ETS1: variants seen among roughly 807,000 people sequenced by gnomAD.
The protein encoded by ETS1 is protein C-ets-1.
Under a neutral mutation model 58.6 loss-of-function variants are expected in ETS1, and 15 were observed. That is an observed-to-expected ratio of 0.26 (90% CI 0.17 to 0.39). ETS1 has a LOEUF of 0.39. Among genes scored for constraint, ETS1 ranks in the 10% least tolerant of loss-of-function variants. The pLI, the probability that ETS1 is intolerant of heterozygous loss-of-function variation, is 1.00. For synonymous variants in ETS1, 214 were observed against 218.2 expected (o/e 0.98, Z 0.17); for missense variants, 417 against 610.5 (o/e 0.68, Z 3.34).
chr11:128,586,896 G>A (rs1400420231), intron 1 of ETS1, among the ~76,000 whole-genome samples: 1 of 152,032 alleles, frequency 6.6e-6, no homozygotes, highest in African/African-American at 2.4e-5. Flanking sequence ...AGACAACCGC[G>A]GCCCACACCC....
chr11:128,548,259 A>G (rs750143321), intron 3 of ETS1, among the ~76,000 whole-genome samples: 2 of 150,580 alleles, frequency 1.3e-5, no homozygotes, highest in Non-Finnish European at 3.0e-5. Context: ...ATGAAAAGGT[A>G]ACCTACGAAA....
At chr11:128,506,789 G>A in intron 3 of ETS1, among the ~76,000 whole-genome samples, 1 of 152,072 alleles carries the variant, frequency 6.6e-6, no homozygotes, top group South Asian at 2.1e-4. Context: ...GCAGACACCT[G>A]GTAACTGCAA....
At chr11:128,479,748 G>A (rs184930257) in intron 8 of ETS1, among the ~76,000 whole-genome samples, 14 of 152,232 alleles carry the variant, frequency 9.2e-5, no homozygotes, top group Non-Finnish European at 1.6e-4. Context: ...AAGGAGAACC[G>A]TGCTGCAGAA....
At chr11:128,540,489 A>T (rs1214478537) in intron 3 of ETS1, among the ~76,000 whole-genome samples, 2 of 152,196 alleles carry the variant, frequency 1.3e-5, no homozygotes, top group African/African-American at 4.8e-5. Flanking sequence ...ACCGTTTAAA[A>T]AAAAAAGTTG....
intron 8 of ETS1, among the ~76,000 whole-genome samples, chr11:128,471,745 A>G (rs1202684895): frequency 6.6e-6 from 1 of 152,190 alleles, no homozygotes; most frequent in Non-Finnish European, 1.5e-5. Context: ...ACAAAGAAAA[A>G]TCTTCCTAAG....
intron 3 of ETS1, among the ~76,000 whole-genome samples, chr11:128,544,242 T>C (rs1307111808): frequency 6.6e-6 from 1 of 150,704 alleles, no homozygotes; most frequent in Non-Finnish European, 1.5e-5. Context: ...GAGATAAAAA[T>C]AGGCATAGAG....
intron 5 of ETS1, 23 bp downstream of exon 5, chr11:128,489,265 CCT>C (rs1862729516): frequency 1.2e-5 from 20 of 1,606,496 alleles, no homozygotes; most frequent in Non-Finnish European, 1.7e-5. Context: ...ATAACCTCCA[CCT>C]CTCTCTGTTT....
intron 2 of ETS1, among the ~76,000 whole-genome samples, chr11:128,569,245 C>T (rs1297498662): frequency 6.6e-6 from 1 of 151,066 alleles, no homozygotes; most frequent in African/African-American, 2.4e-5. Flanking sequence ...AAAAGCACCC[C>T]CTACTGAAAA....
chr11:128,516,611 T>A (rs1240201462), intron 3 of ETS1, among the ~76,000 whole-genome samples: 2 of 152,172 alleles, frequency 1.3e-5, no homozygotes, highest in Non-Finnish European at 1.5e-5. Flanking sequence ...TGCCTGTGTG[T>A]GAGCCATGGG....
intron 3 of ETS1, among the ~76,000 whole-genome samples, chr11:128,508,660 C>T (rs1863307281): frequency 6.6e-6 from 1 of 152,190 alleles, no homozygotes; most frequent in East Asian, 1.9e-4. Context: ...ATCGTAAGAT[C>T]ATGGTAAAAA....
At chr11:128,504,554 G>T (rs1250686517) in intron 3 of ETS1, among the ~76,000 whole-genome samples, 1 of 152,196 alleles carries the variant, frequency 6.6e-6, no homozygotes, top group Non-Finnish European at 1.5e-5. Flanking sequence ...ACTATTCCTG[G>T]AATACAGAAT....
At chr11:128,487,735 T>C (rs1008466192) in intron 5 of ETS1, among the ~76,000 whole-genome samples, 2 of 151,636 alleles carry the variant, frequency 1.3e-5, no homozygotes, top group Non-Finnish European at 2.9e-5. Flanking sequence ...CAAGACTCTG[T>C]CTCAAAAAAT....
intron 3 of ETS1, among the ~76,000 whole-genome samples, chr11:128,528,134 T>A (rs931901032): frequency 6.6e-6 from 1 of 152,130 alleles, no homozygotes; most frequent in African/African-American, 2.4e-5. Context: ...GTCACAGTGA[T>A]TTTATGTTCT....
At chr11:128,474,429 A>G (rs1862267327) in intron 8 of ETS1, among the ~76,000 whole-genome samples, 1 of 152,216 alleles carries the variant, frequency 6.6e-6, no homozygotes, top group Non-Finnish European at 1.5e-5. Flanking sequence ...TCTTTTTACC[A>G]TGTGATCTTT....
intron 3 of ETS1, among the ~76,000 whole-genome samples, chr11:128,542,361 G>A (rs1373048824): frequency 6.6e-6 from 1 of 152,144 alleles, no homozygotes; most frequent in African/African-American, 2.4e-5. Flanking sequence ...AGGAAGAGCA[G>A]GAAGAGAAGA....
At chr11:128,565,029 C>CAAATAAATAAATAAATAAATAAAT (rs6144562) in intron 2 of ETS1, among the ~76,000 whole-genome samples, 57 of 144,584 alleles carry the variant, frequency 3.9e-4, no homozygotes, top group African/African-American at 5.6e-4. Flanking sequence ...CACCAAATAT[C>CAAATAAATAAATAAATAAATAAAT]AAATAAATAA....
rs549587752 is a variant in ETS1 at position 128,464,473 on chromosome 11, T to C, written c.1124-846A>G. Among the ~76,000 whole-genome samples the C allele has an allele frequency of 2.0e-5, 3 of 152,184 alleles. No homozygotes were observed. The highest frequency in any genetic ancestry group is 7.2e-5 in the African/African-American group (3 of 41,522). On this transcript the variant is annotated intron_variant, in intron 8 of 9. Coordinates refer to ENST00000392668, the MANE Select transcript of ETS1 (RefSeq NM_001143820.2). This position sits in a 1 kb window ranked among gnomAD's most constrained non-coding sequence, Gnocchi z 4.1. ...AAGGTTTATATCACACCGATTTCCTTTGAGGATACTTTTCTCATCTGAAAT... is the reference window on the plus strand; with the variant it reads ...AAGGTTTATATCACACCGATTTCCTCTGAGGATACTTTTCTCATCTGAAAT...
intron 3 of ETS1, 67 bp from the exon 4 acceptor site, chr11:128,490,643 C>T (rs1313374877): frequency 1.6e-6 from 2 of 1,287,612 alleles, no homozygotes; most frequent in African/African-American, 1.5e-5. Flanking sequence ...TAAAACATTA[C>T]AAATGGGCTG....
At chr11:128,495,363 T>C (rs1862911707) in intron 3 of ETS1, among the ~76,000 whole-genome samples, 1 of 152,194 alleles carries the variant, frequency 6.6e-6, no homozygotes, top group South Asian at 2.1e-4. Context: ...TAGGAGTGAT[T>C]AAAAACTTAA....
Sources: gnomAD v4.1 joint callset for allele counts (sites outside exome capture counted in the v4.1 genomes callset) on GRCh38, gnomAD v4.1.1 for gene constraint, Gnocchi (gnomAD v3.1) non-coding constraint, MANE v1.5 for transcripts, NCBI Gene and HGNC (gene_info 2026-07-23, HGNC 2026-07-21) for gene names.